LRRC4C: variants seen among roughly 807,000 people sequenced by gnomAD.
LRRC4C encodes leucine rich repeat containing 4C.
In LRRC4C, 5 loss-of-function variants were observed where a neutral mutation model predicts 33.6. The observed-to-expected ratio is 0.15, with a 90% CI of 0.08 to 0.31. The LOEUF is 0.31. Ranked by LOEUF, LRRC4C falls within the 10% of genes least tolerant of loss-of-function variation. The pLI is 1.00. For missense variants in LRRC4C, 560 were observed against 796.7 expected (o/e 0.70, Z 3.58); for synonymous variants, 329 against 302.0 (o/e 1.09, Z -0.93).
intron 3 of LRRC4C, among the ~76,000 whole-genome samples, chr11:40,476,872 C>T (rs1953262367): frequency 6.6e-6 from 1 of 152,116 alleles, no homozygotes; most frequent in Non-Finnish European, 1.5e-5. Flanking sequence ...AACTACTCAA[C>T]TTAGACAAAT....
chr11:40,434,267 T>C (rs1951052785), intron 3 of LRRC4C, among the ~76,000 whole-genome samples: 1 of 152,170 alleles, frequency 6.6e-6, no homozygotes, highest in African/African-American at 2.4e-5. Context: ...CAATATATGT[T>C]ATTATTATAC....
chr11:41,120,948 T>G (rs1170951854), intron 1 of LRRC4C, among the ~76,000 whole-genome samples: 1 of 152,156 alleles, frequency 6.6e-6, no homozygotes, highest in African/African-American at 2.4e-5. Flanking sequence ...GCTTCCCCTT[T>G]GCCCTCTGTG....
intron 1 of LRRC4C, among the ~76,000 whole-genome samples, chr11:41,238,908 A>C (rs1948131469): frequency 6.6e-6 from 1 of 152,106 alleles, no homozygotes; most frequent in Non-Finnish European, 1.5e-5. Flanking sequence ...GCTTACTGGA[A>C]TTGAATCTAA....
intron 3 of LRRC4C, among the ~76,000 whole-genome samples, chr11:40,598,016 A>G (rs1257036380): frequency 6.6e-6 from 1 of 152,196 alleles, no homozygotes; most frequent in Non-Finnish European, 1.5e-5. Context: ...CATGGTTCAG[A>G]GTGCAATCTA....
intron 1 of LRRC4C, among the ~76,000 whole-genome samples, chr11:41,444,715 G>A (rs1370838330): frequency 6.6e-6 from 1 of 152,100 alleles, no homozygotes; most frequent in Non-Finnish European, 1.5e-5. Flanking sequence ...GTAGGGAAAT[G>A]AGATTTTAGA....
At chr11:40,140,574 A>G (rs1857293465) in intron 6 of LRRC4C, among the ~76,000 whole-genome samples, 1 of 152,090 alleles carries the variant, frequency 6.6e-6, no homozygotes, top group South Asian at 2.1e-4. Context: ...AACACAAGAA[A>G]TTTGCAAATA....
chr11:41,440,559 A>T (rs1247768037), intron 1 of LRRC4C, among the ~76,000 whole-genome samples: 2 of 152,098 alleles, frequency 1.3e-5, no homozygotes, highest in Admixed American at 1.3e-4. Context: ...TTTAAAAAAA[A>T]GTATAGTCTA....
chr11:40,914,507 C>T (rs561363855), intron 2 of LRRC4C, among the ~76,000 whole-genome samples: 6 of 152,258 alleles, frequency 3.9e-5, no homozygotes, highest in African/African-American at 1.4e-4. Flanking sequence ...ACCCTTCATG[C>T]TAATAACTCT....
At chr11:40,331,431 G>A (rs1946357891) in intron 3 of LRRC4C, among the ~76,000 whole-genome samples, 1 of 152,164 alleles carries the variant, frequency 6.6e-6, no homozygotes, top group South Asian at 2.1e-4. Context: ...ATGAATGAAT[G>A]AAGAAAATGT....
intron 3 of LRRC4C, among the ~76,000 whole-genome samples, chr11:40,629,365 C>T (rs1963256698): frequency 6.6e-6 from 1 of 152,050 alleles, no homozygotes; most frequent in Admixed American, 6.5e-5. Context: ...TTCTCATGCC[C>T]TTGAAAAAAA....
intron 5 of LRRC4C, among the ~76,000 whole-genome samples, chr11:40,183,013 A>T (rs760209780): frequency 4.6e-5 from 7 of 152,216 alleles, no homozygotes; most frequent in Non-Finnish European, 1.0e-4. Context: ...ATGTGAATCC[A>T]GCTGGTTTGG....
At chr11:41,059,774 C>A (rs1480329091) in intron 1 of LRRC4C, among the ~76,000 whole-genome samples, 2 of 152,086 alleles carry the variant, frequency 1.3e-5, no homozygotes, top group Admixed American at 6.5e-5. Flanking sequence ...CCTGTAATCC[C>A]AGCACTTTGG....
intron 1 of LRRC4C, among the ~76,000 whole-genome samples, chr11:40,974,119 T>C (rs1851916016): frequency 6.6e-6 from 1 of 152,206 alleles, no homozygotes; most frequent in Non-Finnish European, 1.5e-5. Flanking sequence ...ATTTTTCTCT[T>C]TCATCCCATA....
chr11:40,797,465 T>A (rs1176303455), intron 2 of LRRC4C, among the ~76,000 whole-genome samples: 1 of 152,102 alleles, frequency 6.6e-6, no homozygotes, highest in African/African-American at 2.4e-5. Flanking sequence ...ATTAAAGAAG[T>A]AAATACAGAA....
intron 4 of LRRC4C, among the ~76,000 whole-genome samples, chr11:40,297,484 G>C (rs1944569224): frequency 6.6e-6 from 1 of 152,014 alleles, no homozygotes; most frequent in African/African-American, 2.4e-5. Context: ...ATATTCTATA[G>C]ATATTGTATT....
At chr11:41,250,785 A>C (rs1382400516) in intron 1 of LRRC4C, among the ~76,000 whole-genome samples, 1 of 152,196 alleles carries the variant, frequency 6.6e-6, no homozygotes, top group Non-Finnish European at 1.5e-5. Context: ...AATGCAAGCC[A>C]ATCTGTTTTC....
At chr11:41,230,407 C>A (rs1947733193) in intron 1 of LRRC4C, among the ~76,000 whole-genome samples, 1 of 152,032 alleles carries the variant, frequency 6.6e-6, no homozygotes, top group African/African-American at 2.4e-5. Flanking sequence ...TTTCCTCAAT[C>A]CCTACCTTCA....
chr11:40,403,967 T>C (rs1949863263), intron 3 of LRRC4C, among the ~76,000 whole-genome samples: 1 of 152,180 alleles, frequency 6.6e-6, no homozygotes, highest in Non-Finnish European at 1.5e-5. Flanking sequence ...ATTATTTCAA[T>C]AATGACCCAT....
At chr11:40,652,670 A>C (rs1412231323) in intron 2 of LRRC4C, among the ~76,000 whole-genome samples, 2 of 152,230 alleles carry the variant, frequency 1.3e-5, no homozygotes, top group African/African-American at 4.8e-5. Context: ...TGGATGCTCC[A>C]ACAATTGCTT....
Sources: gnomAD v4.1 joint callset for allele counts (sites outside exome capture counted in the v4.1 genomes callset) on GRCh38, gnomAD v4.1.1 for gene constraint, MANE v1.5 for transcripts, NCBI Gene and HGNC (gene_info 2026-07-23, HGNC 2026-07-21) for gene names.